Variants in RBM33 observed in about 807,000 individuals in gnomAD.
The protein encoded by RBM33 is RNA-binding protein 33.
A neutral mutation model predicts 132.6 loss-of-function variants in RBM33; 28 were observed. The ratio of observed to expected loss-of-function variants is 0.21; its 90% CI spans 0.16 to 0.29. The LOEUF is 0.29. RBM33 is among the 10% of genes least tolerant of loss of function. The pLI is 1.00. For missense variants in RBM33, 1,291 were observed against 1,518.5 expected (o/e 0.85, Z 2.49); for synonymous variants, 634 against 593.0 (o/e 1.07, Z -1.01).
intron 5 of RBM33, among the ~76,000 whole-genome samples, chr7:155,700,545 C>CTTTT (rs1563150189): frequency 1.2e-5 from 1 of 82,804 alleles, no homozygotes. Context: ...AAGAATTTGA[C>CTTTT]CTTTTTTTTT....
At position 155,711,256 on chromosome 7, in the gene RBM33, C is replaced by T; in HGVS notation, c.1002C>T (p.Ser334=). Residue 334 remains serine (S), a synonymous_variant, in exon 8 of 18, where the codon AGC becomes AGT. Coordinates refer to ENST00000401878, the MANE Select transcript of RBM33 (RefSeq NM_053043.3). The part of the protein sequence containing the change: ...PPPPQQQPIR[S]LFQPQPLQPL... The stretch of plus-strand genomic sequence containing the variant: ...CGCCTCAGCAGCAGCCGATCAGAAG[C>T]CTGTTCCAGCCGCAGCCGCTGCAGC... 6.2e-7 allele frequency: 1 copy of T among 1,602,148 alleles called. No homozygotes were observed. Among genetic ancestry groups the T allele is most frequent in the Non-Finnish European group, 8.5e-7 (1 of 1,174,818 alleles).
chr7:155,738,941 G>A (rs949934170), intron 11 of RBM33: 4 of 155,026 alleles, frequency 2.6e-5, no homozygotes, highest in South Asian at 3.9e-4. Flanking sequence ...GTTGACATGC[G>A]TCTGTAACAT....
intron 3 of RBM33, 78 bp downstream of exon 3, chr7:155,672,993 A>G: frequency 1.0e-6 from 1 of 953,890 alleles, no homozygotes; most frequent in Middle Eastern, 2.9e-4. Context: ...TCACTTATAC[A>G]TGGGTTTCAT....
At chr7:155,666,954 A>C (rs922458915) in intron 2 of RBM33, among the ~76,000 whole-genome samples, 2 of 152,170 alleles carry the variant, frequency 1.3e-5, no homozygotes, top group African/African-American at 2.4e-5. Context: ...ACCCTTTCAG[A>C]CTTCCAAGAA....
intron 5 of RBM33, among the ~76,000 whole-genome samples, chr7:155,683,099 T>C (rs17837567): frequency 0.68 from 102,668 of 152,000 alleles, 35,089 homozygotes; most frequent in South Asian, 0.77. Flanking sequence ...TTCAATGTCT[T>C]TCTGTGAGCA....
chr7:155,686,733 G>T (rs1239924730), intron 5 of RBM33, among the ~76,000 whole-genome samples: 2 of 151,946 alleles, frequency 1.3e-5, no homozygotes, highest in African/African-American at 4.8e-5. Flanking sequence ...TGCAGTGTTT[G>T]GTTTTTTGTC....
intron 1 of RBM33, among the ~76,000 whole-genome samples, chr7:155,654,230 T>G (rs1036350048): frequency 7.2e-5 from 11 of 152,236 alleles, no homozygotes; most frequent in African/African-American, 2.4e-4. Context: ...ATTCAGTTAG[T>G]CAACATGCCT....
intron 1 of RBM33, among the ~76,000 whole-genome samples, chr7:155,655,534 C>CTTTTTTT (rs756948005): frequency 3.7e-4 from 30 of 80,108 alleles, no homozygotes; most frequent in Non-Finnish European, 5.1e-4. Flanking sequence ...GGCTGTTTGC[C>CTTTTTTT]TTTTTTTTTT....
At chr7:155,680,328 A>AT (rs1202648607) in intron 4 of RBM33, among the ~76,000 whole-genome samples, 1 of 152,188 alleles carries the variant, frequency 6.6e-6, no homozygotes, top group Non-Finnish European at 1.5e-5. Flanking sequence ...GCAGCTGGTG[A>AT]TAAGTAGAGG....
chr7:155,739,453 T>A, intron 11 of RBM33: 1 of 479,070 alleles, frequency 2.1e-6, no homozygotes, highest in Non-Finnish European at 3.7e-6. Context: ...TGCTTTAGAG[T>A]TATGAGTTTG....
intron 1 of RBM33, among the ~76,000 whole-genome samples, chr7:155,648,034 A>G (rs1798250439): frequency 6.6e-6 from 1 of 152,184 alleles, no homozygotes; most frequent in Non-Finnish European, 1.5e-5. Context: ...GCCTGAGCTA[A>G]TCTGATTTTA....
chr7:155,718,438 T>C lies in RBM33; in HGVS notation c.1255T>C (p.Phe419Leu). 6.2e-7 allele frequency: 1 copy of C among 1,613,562 alleles called. No individual in the cohort carries two copies. ...QPRPAVGPQR[F>L]PGPPEFPQHT... Reference sequence around the variant, plus strand: ...GAGACCTGCCGTGGGACCCCAGAGATTCCCAGTGAGTAGCAGCTGCTCCTT... The same window carrying C: ...GAGACCTGCCGTGGGACCCCAGAGACTCCCAGTGAGTAGCAGCTGCTCCTT... Residue 419 changes from phenylalanine (F) to leucine (L), a missense_variant, in exon 9 of 18, where the codon TTC (phenylalanine) becomes CTC (leucine). Physicochemically the swap from Phe to Leu is conservative, Grantham distance 22. Coordinates refer to ENST00000401878, the MANE Select transcript of RBM33 (RefSeq NM_053043.3).
intron 4 of RBM33, among the ~76,000 whole-genome samples, chr7:155,679,435 A>G (rs1367328504): frequency 6.6e-6 from 1 of 152,054 alleles, no homozygotes; most frequent in Non-Finnish European, 1.5e-5. Flanking sequence ...GCTACTTTAG[A>G]CTCTAGTTGA....
chr7:155,659,086 A>C lies in RBM33; in HGVS notation c.44-6089A>C, dbSNP rs528702288. Among the ~76,000 whole-genome samples the C allele has an allele frequency of 3.3e-5, 5 of 152,366 alleles. No individual in the cohort carries two copies. In the South Asian group the frequency reaches 1.0e-3, roughly 32 times the overall value. ...AAAAGCCATTAAACAAATGGACAGCAACCTTCATTGTGTAACAGCAGCAAC... is the reference window on the plus strand; with the variant it reads ...AAAAGCCATTAAACAAATGGACAGCCACCTTCATTGTGTAACAGCAGCAAC... On this transcript the variant is annotated intron_variant, in intron 1 of 17. Transcript: ENST00000401878.
At position 155,673,591 on chromosome 7, in the gene RBM33, TATAC is replaced by T. The variant is rs1181253845; in HGVS notation, c.171+678_171+681del. Among the ~76,000 whole-genome samples the T allele has an allele frequency of 1.9e-4, 18 of 94,924 alleles. 4 individuals are homozygous for T. The highest frequency in any genetic ancestry group is 8.1e-4 in the African/African-American group (18 of 22,212). The allele number at this position is 94,924 out of a possible 152,430, so 62.3% of individuals were successfully genotyped here. The stretch of plus-strand genomic sequence containing the variant: ...ATATACATACACACGTGTATATATA[TATAC>T]ACACATATACATACACACGTGTATA... On this transcript the variant is annotated intron_variant, in intron 3 of 17. Coordinates refer to ENST00000401878, the MANE Select transcript of RBM33 (RefSeq NM_053043.3).
At chr7:155,674,525 C>T (rs1799123838) in intron 3 of RBM33, among the ~76,000 whole-genome samples, 1 of 152,210 alleles carries the variant, frequency 6.6e-6, no homozygotes, top group African/African-American at 2.4e-5. Flanking sequence ...AGCCTCATGT[C>T]ATGGTTTGCC....
intron 3 of RBM33, among the ~76,000 whole-genome samples, chr7:155,673,482 GTA>G (rs537794764): frequency 6.3e-5 from 9 of 143,016 alleles, no homozygotes; most frequent in Non-Finnish European, 1.2e-4. Context: ...ATACACGTGT[GTA>G]TATATATACA....
chr7:155,682,041 C>T (rs536907312), intron 5 of RBM33, among the ~76,000 whole-genome samples: 1 of 152,166 alleles, frequency 6.6e-6, no homozygotes, highest in Non-Finnish European at 1.5e-5. Context: ...CTGCCTCAGC[C>T]TCCTGAGTAG....
chr7:155,660,599 T>C (rs976716546), intron 1 of RBM33, among the ~76,000 whole-genome samples: 1 of 152,214 alleles, frequency 6.6e-6, no homozygotes. Flanking sequence ...TCTGTTTTGA[T>C]GAGAATCAAC....
Sources: gnomAD v4.1 joint callset for allele counts (sites outside exome capture counted in the v4.1 genomes callset) on GRCh38, gnomAD v4.1.1 for gene constraint, MANE v1.5 for transcripts, NCBI Gene and HGNC (gene_info 2026-07-23, HGNC 2026-07-21) for gene names.